AK8: variants seen among roughly 807,000 people sequenced by gnomAD.
The protein encoded by AK8 is adenylate kinase 8.
A neutral mutation model predicts 54.6 loss-of-function variants in AK8; 44 were observed. The ratio of observed to expected loss-of-function variants is 0.81; its 90% CI spans 0.63 to 1.04. The LOEUF (loss-of-function observed/expected upper bound fraction) is 1.04. Among genes scored for constraint, AK8 ranks in the 50% least tolerant of loss-of-function variants. The probability of loss-of-function intolerance (pLI) is 0.00; values close to 1 mark genes in which losing one functional copy is unlikely to be tolerated. For missense variants in AK8, 555 were observed against 613.6 expected (o/e 0.90, Z 1.01); for synonymous variants, 239 against 245.6 (o/e 0.97, Z 0.25).
intron 10 of AK8, among the ~76,000 whole-genome samples, chr9:132,813,282 C>G (rs1236487849): frequency 1.3e-5 from 2 of 152,148 alleles, no homozygotes; most frequent in African/African-American, 4.8e-5. Flanking sequence ...ACCCCGCGGA[C>G]TAGGACATCT....
intron 5 of AK8, among the ~76,000 whole-genome samples, chr9:132,840,888 A>G (rs528879790): frequency 2.6e-5 from 4 of 152,270 alleles, no homozygotes; most frequent in South Asian, 2.1e-4. Context: ...CTGGTAGATC[A>G]TAAACCCACC....
At chr9:132,863,442 C>G (rs1843468600) in intron 4 of AK8, among the ~76,000 whole-genome samples, 1 of 152,246 alleles carries the variant, frequency 6.6e-6, no homozygotes, top group South Asian at 2.1e-4. Context: ...GTGATCCTTT[C>G]CCACTGCAAA....
At chr9:132,859,914 T>C (rs1173986194) in intron 4 of AK8, among the ~76,000 whole-genome samples, 1 of 151,772 alleles carries the variant, frequency 6.6e-6, no homozygotes, top group Non-Finnish European at 1.5e-5. Context: ...GAAGAAAAGG[T>C]GGGGGTTTCT....
intron 11 of AK8, among the ~76,000 whole-genome samples, chr9:132,742,422 G>A (rs182939687): frequency 5.3e-5 from 8 of 152,236 alleles, no homozygotes; most frequent in Admixed American, 2.6e-4. Flanking sequence ...TCCACCCACC[G>A]TGGCCTCCCA....
chr9:132,850,030 A>G (rs1842908888), intron 5 of AK8, among the ~76,000 whole-genome samples: 1 of 149,600 alleles, frequency 6.7e-6, no homozygotes, highest in East Asian at 2.0e-4. Flanking sequence ...TACAGGCATT[A>G]GCCACTGCAT....
intron 10 of AK8, among the ~76,000 whole-genome samples, chr9:132,812,397 A>AT (rs528321058): frequency 0.2 from 28,326 of 144,030 alleles, 2,956 homozygotes; most frequent in East Asian, 0.44. Context: ...CACGTGGCTA[A>AT]TTTTTTTTTT....
intron 11 of AK8, among the ~76,000 whole-genome samples, chr9:132,730,567 G>A (rs377442): frequency 0.015 from 2,316 of 151,960 alleles, 61 homozygotes; most frequent in African/African-American, 0.054. Flanking sequence ...TCAGAATCCC[G>A]TCAGGAGCCT....
At position 132,827,012 on chromosome 9, in the gene AK8, A is replaced by C; in HGVS notation, c.599T>G (p.Ile200Ser). The change falls in exon 8 of 13, where the codon ATC becomes AGC. Residue 200 changes from isoleucine (I) to serine (S), a missense_variant. Transcript: ENST00000298545. ...CTCTGGCACCATGAGACGGTTCTGG[A>C]TTTCAGATTCGGGTGGCCAGTCAAA... Reference protein sequence around the residue: ...TTFDWPPESEIQNRLMVPEDI... With the variant: ...TTFDWPPESESQNRLMVPEDI... The C allele has an allele frequency of 6.2e-7, 1 of 1,614,216 alleles. No individual in the cohort carries two copies. Among genetic ancestry groups the C allele is most frequent in the Non-Finnish European group, 8.5e-7 (1 of 1,180,044 alleles).
rs555782635 is a variant in AK8, at chr9:132,834,828, G to C, written c.403-6102C>G. Among the ~76,000 whole-genome samples the C allele has an allele frequency of 1.3e-4, 20 of 151,494 alleles. No homozygotes were observed. The East Asian group carries it at 3.7e-3, about 28-fold the overall frequency. On this transcript the variant is annotated intron_variant, in intron 5 of 12. Coordinates refer to ENST00000298545, the MANE Select transcript of AK8 (RefSeq NM_152572.3). ...TACAGGCCAATGATCTCTAGGATAT[G>C]AAAACCTGGTAAAGCCCAAATGCAG...
chr9:132,732,718 G>A (rs1307905546), intron 11 of AK8, among the ~76,000 whole-genome samples: 3 of 152,130 alleles, frequency 2.0e-5, no homozygotes, highest in African/African-American at 7.2e-5. Context: ...GATGGTGAGA[G>A]ACATTGTTTG....
intron 5 of AK8, among the ~76,000 whole-genome samples, chr9:132,835,667 C>T (rs919102942): frequency 2.1e-4 from 32 of 152,148 alleles, no homozygotes; most frequent in African/African-American, 7.2e-4. Flanking sequence ...ATCTAGCTCA[C>T]GGTTGATGAA....
At chr9:132,767,502 T>C (rs56138323) in intron 11 of AK8, among the ~76,000 whole-genome samples, 4,990 of 152,266 alleles carry the variant, frequency 0.033, 271 homozygotes, top group African/African-American at 0.11. Context: ...TAGTACTTTG[T>C]TAGCGGGGCT....
At chr9:132,858,577 AC>A (rs767707852) in intron 4 of AK8, among the ~76,000 whole-genome samples, 25 of 152,246 alleles carry the variant, frequency 1.6e-4, no homozygotes, top group Non-Finnish European at 3.2e-4. Flanking sequence ...TCTGACCCCC[AC>A]ACCCCCCTTC....
chr9:132,791,323 G>A lies in AK8; in HGVS notation c.1121+1311C>T, dbSNP rs1055125569. ...TCATGAGAACAGCATGGAGGAAACC[G>A]CCCCCATGATCCGATCACCTCTCAC... On this transcript the variant is annotated intron_variant, in intron 11 of 12. Transcript: ENST00000298545. This position sits in a 1 kb window ranked among gnomAD's most constrained non-coding sequence, Gnocchi z 4.0. 2.6e-5 allele frequency among the ~76,000 whole-genome samples: 4 copies of A among 152,038 alleles called. No individual in the cohort carries two copies. The highest frequency in any genetic ancestry group is 2.9e-5 in the Non-Finnish European group (2 of 68,006).
At chr9:132,741,001 G>A (rs1837360314) in intron 11 of AK8, among the ~76,000 whole-genome samples, 1 of 152,162 alleles carries the variant, frequency 6.6e-6, no homozygotes, top group Non-Finnish European at 1.5e-5. Context: ...GCTATCATCT[G>A]CCTGTTCCCA....
At position 132,837,822 on chromosome 9, in the gene AK8, G is replaced by A. The variant is rs1842388262; in HGVS notation, c.403-9096C>T. Among the ~76,000 whole-genome samples the A allele has an allele frequency of 6.6e-6, 1 of 152,204 alleles. No individual in the cohort carries two copies. Among genetic ancestry groups the A allele is most frequent in the Admixed American group, 6.5e-5 (1 of 15,288 alleles). On this transcript the variant is annotated intron_variant, in intron 5 of 12. Coordinates refer to ENST00000298545, the MANE Select transcript of AK8 (RefSeq NM_152572.3). The surrounding 1 kb of genome is among the most constrained non-coding windows in gnomAD (Gnocchi z 4.3). ...GCACAGGAGGTGTGCTCACTGTGCT[G>A]TGCCCGGCACCTCACCAAGCCCTCA...
intron 11 of AK8, among the ~76,000 whole-genome samples, chr9:132,764,932 T>A (rs1286452036): frequency 6.6e-6 from 1 of 152,138 alleles, no homozygotes; most frequent in African/African-American, 2.4e-5. Context: ...GCCAACATCC[T>A]TGATGGACAC....
intron 10 of AK8, among the ~76,000 whole-genome samples, chr9:132,812,564 G>GGGATGACGGGTGT (rs1564415185): frequency 9.3e-5 from 1 of 10,776 alleles, no homozygotes; most frequent in Non-Finnish European, 1.7e-4. Flanking sequence ...CGCCGCGCCC[G>GGGATGACGGGTGT]GCCGCTAGGT....
chr9:132,806,818 G>C (rs1392059946), intron 10 of AK8, among the ~76,000 whole-genome samples: 1 of 152,200 alleles, frequency 6.6e-6, no homozygotes, highest in African/African-American at 2.4e-5. Context: ...GGCTGGTTTG[G>C]CTTGTTTGTA....
Sources: allele counts gnomAD v4.1 joint callset (sites outside exome capture counted in the v4.1 genomes callset), GRCh38; gene constraint gnomAD v4.1.1; non-coding constraint Gnocchi (gnomAD v3.1); transcripts MANE v1.5; gene names NCBI Gene and HGNC (gene_info 2026-07-23, HGNC 2026-07-21).